Variants in BCL9L observed in about 807,000 individuals in gnomAD.
BCL9L encodes B-cell CLL/lymphoma 9-like protein.
Under a neutral mutation model 99.4 loss-of-function variants are expected in BCL9L, and 19 were observed. The observed-to-expected ratio is 0.19, with a 90% CI of 0.13 to 0.28. The LOEUF (loss-of-function observed/expected upper bound fraction) is 0.28, where lower values mean the gene tolerates loss of function less well. BCL9L is among the 10% of genes least tolerant of loss of function. BCL9L has a pLI of 1.00. For missense variants in BCL9L, 2,023 were observed against 2,101.6 expected (o/e 0.96, Z 0.73); for synonymous variants, 900 against 854.8 (o/e 1.05, Z -0.92).
rs1374186702 is a variant in BCL9L at position 118,908,284 on chromosome 11, T to A, written c.398A>T (p.Asp133Val). 6.4e-7 allele frequency: 1 copy of A among 1,553,456 alleles called. No homozygotes were observed. The highest frequency in any genetic ancestry group is 8.7e-7 in the Non-Finnish European group (1 of 1,148,500). ...AAATGGGGTACCTTTGGCCTCTGAA[T>A]CCAGGGATGGGGTCCCAGCCTCTCG... ...EQREAGTPSL[D>V]SEAKEVAPRS... is the part of the protein sequence containing the mutation. The change falls in exon 4 of 10, where the codon GAT (aspartate) becomes GTT (valine). Residue 133 changes from aspartate to valine, a missense_variant. Transcript: ENST00000683865.
At position 118,897,679 on chromosome 11, in the gene BCL9L, T is replaced by C. The variant is rs1351443055; in HGVS notation, c.*736A>G. ...AGACACTGCAAACAGTGGGTGGCCA[T>C]GTAGGGCTGCATGTCCCTGGGTCCA... On this transcript the variant is annotated 3_prime_UTR_variant, in exon 10 of 10. Coordinates refer to ENST00000683865, the MANE Select transcript of BCL9L (RefSeq NM_001378213.1). 1.4e-5 allele frequency: 6 copies of C among 420,040 alleles called. No homozygotes were observed. The highest frequency in any genetic ancestry group is 1.2e-4 in the Admixed American group (4 of 34,412). The allele number at this position is 420,040 out of a possible 1,614,324, so 26.0% of individuals were successfully genotyped here. A position where few individuals can be genotyped will look rare whatever the true frequency, so the allele number is the denominator to read the frequency against.
chr11:118,912,599 C>A (rs1207899973), intron 2 of BCL9L, among the ~76,000 whole-genome samples: 1 of 152,132 alleles, frequency 6.6e-6, no homozygotes, highest in Non-Finnish European at 1.5e-5. Context: ...ATGCCCAGAG[C>A]CTCCAGGTAT....
At chr11:118,912,378 G>A (rs1191169879) in intron 2 of BCL9L, among the ~76,000 whole-genome samples, 1 of 151,902 alleles carries the variant, frequency 6.6e-6, no homozygotes, top group Non-Finnish European at 1.5e-5. Flanking sequence ...CTCACAAACA[G>A]GGAGCAGGTG....
chr11:118,923,228 T>G (rs1293417023), intron 1 of BCL9L, among the ~76,000 whole-genome samples: 1 of 152,140 alleles, frequency 6.6e-6, no homozygotes, highest in East Asian at 1.9e-4. Flanking sequence ...AGCTCCCCTT[T>G]GCTCGGCATC....
At chr11:118,915,755 C>G (rs1940945619) in intron 2 of BCL9L, among the ~76,000 whole-genome samples, 1 of 152,222 alleles carries the variant, frequency 6.6e-6, no homozygotes, top group African/African-American at 2.4e-5. Context: ...TGGGAGAAAG[C>G]TTAAGCCTAC....
At position 118,900,690 on chromosome 11, in the gene BCL9L, G is replaced by A. The variant is rs1228065816; in HGVS notation, c.3053C>T (p.Pro1018Leu). The A allele has an allele frequency of 6.8e-6, 11 of 1,613,858 alleles. No individual in the cohort carries two copies. The highest frequency in any genetic ancestry group is 1.3e-5 in the African/African-American group (1 of 75,042). The change falls in exon 8 of 10, where the codon CCG becomes CTG. Residue 1018 changes from proline (P) to leucine (L), a missense_variant. By Grantham distance (98) the Pro-to-Leu change is moderately conservative. Transcript: ENST00000683865. The surrounding 1 kb of genome is among the most constrained non-coding windows in gnomAD (Gnocchi z 5.3). ...VASPKTAMPS[P>L]GVSQNKQPPL... is the part of the protein sequence containing the mutation. ...CGGCTGCTTGTTCTGGGAGACCCCC[G>A]GGCTGGGCATGGCCGTCTTAGGTGA...
At chr11:118,913,781 G>C (rs1347932842) in intron 2 of BCL9L, among the ~76,000 whole-genome samples, 1 of 152,078 alleles carries the variant, frequency 6.6e-6, no homozygotes, top group Admixed American at 6.5e-5. Context: ...CAAGGGAGGA[G>C]CAAGAAGCTC....
At chr11:118,923,083 G>A (rs1476236361) in intron 1 of BCL9L, among the ~76,000 whole-genome samples, 1 of 151,968 alleles carries the variant, frequency 6.6e-6, no homozygotes, top group African/African-American at 2.4e-5. Context: ...CCCTGGAGGA[G>A]GGCTGCAGAG....
chr11:118,900,970 C>T lies in BCL9L; in HGVS notation c.2773G>A (p.Gly925Ser), dbSNP rs757871183. The change falls in exon 8 of 10, where the codon GGC becomes AGC. Residue 925 changes from glycine to serine, a missense_variant. Physicochemically the swap from Gly to Ser is moderately conservative, Grantham distance 56. Coordinates refer to ENST00000683865, the MANE Select transcript of BCL9L (RefSeq NM_001378213.1). This position sits in a 1 kb window ranked among gnomAD's most constrained non-coding sequence, Gnocchi z 5.3. ...TTCAAGTGCCCCATGCCCGGTGAGCCCATCTGATTAATACTGATGGTGAGG... is the reference window on the plus strand; with the variant it reads ...TTCAAGTGCCCCATGCCCGGTGAGCTCATCTGATTAATACTGATGGTGAGG... ...SDLTISINQM[G>S]SPGMGHLKSP... 6.4e-7 allele frequency: 1 copy of T among 1,551,052 alleles called. No individual in the cohort carries two copies.
rs139444043 is a variant in BCL9L, at chr11:118,902,234, C to G, written c.1509G>C (p.Met503Ile). 4.8e-5 allele frequency: 77 copies of G among 1,611,728 alleles called. No homozygotes were observed. Among genetic ancestry groups the G allele is most frequent in the Non-Finnish European group, 5.8e-5 (68 of 1,178,484 alleles). The change falls in exon 8 of 10, where the codon ATG becomes ATC. Residue 503 changes from methionine (M) to isoleucine (I), a missense_variant. Physicochemically the swap from Met to Ile is conservative, Grantham distance 10. Around this residue, in one of 3 missense-constraint regions of BCL9L, gnomAD observed 1,116 missense variants for 1,194.6 expected, o/e 0.93. Transcript: ENST00000683865. The surrounding 1 kb of genome is among the most constrained non-coding windows in gnomAD (Gnocchi z 7.8). ...PGGDMGQQMN[M>I]MIQRLGQDSL... ...TGTCCTGGCCCAGCCTCTGTATCAT[C>G]ATGTTCATCTGCTGCCCCATGTCCC... is the stretch of plus-strand genomic sequence containing the variant.
rs914852429 is a variant in BCL9L, at chr11:118,922,165, G to A, written c.-131+3073C>T. Among the ~76,000 whole-genome samples, 2 of 152,070 alleles carry A rather than the reference G, an allele frequency of 1.3e-5. No homozygotes were observed. Among genetic ancestry groups the A allele is most frequent in the Non-Finnish European group, 2.9e-5 (2 of 67,976 alleles). On this transcript the variant is annotated intron_variant, in intron 1 of 9. Coordinates refer to ENST00000683865, the MANE Select transcript of BCL9L (RefSeq NM_001378213.1). This position sits in a 1 kb window ranked among gnomAD's most constrained non-coding sequence, Gnocchi z 6.2. ...AGTTCTCCCAGGAGGGGAGGGAGGG[G>A]AGGTCAGGCCAGGCTGGGGGTGGGG...
chr11:118,898,428 T>C lies in BCL9L; in HGVS notation c.4487A>G (p.Asn1496Ser). Residue 1496 changes from asparagine (N) to serine (S), a missense_variant, in exon 10 of 10, where the codon AAC becomes AGC. Around this residue, in one of 3 missense-constraint regions of BCL9L, gnomAD observed 902 missense variants for 888.2 expected, o/e 1.02. Coordinates refer to ENST00000683865, the MANE Select transcript of BCL9L (RefSeq NM_001378213.1). The part of the protein sequence containing the change: ...GYLPAPGGMA[N>S]LPF Reference sequence around the variant, plus strand: ...TGGCAGCGACTTCTAGAAGGGCAGGTTGGCCATGCCGCCTGGTGCCGGGAG... The same window carrying C: ...TGGCAGCGACTTCTAGAAGGGCAGGCTGGCCATGCCGCCTGGTGCCGGGAG... 1 of 1,603,956 alleles carries C rather than the reference T, an allele frequency of 6.2e-7. No individual in the cohort carries two copies. The highest frequency in any genetic ancestry group is 8.5e-7 in the Non-Finnish European group (1 of 1,173,174).
At chr11:118,917,910 G>T (rs946448402) in intron 2 of BCL9L, among the ~76,000 whole-genome samples, 2 of 152,056 alleles carry the variant, frequency 1.3e-5, no homozygotes, top group African/African-American at 4.8e-5. Flanking sequence ...GAGGCCCCAG[G>T]TGGGGGTCAA....
At position 118,901,719 on chromosome 11, in the gene BCL9L, C is replaced by G; in HGVS notation, c.2024G>C (p.Arg675Pro). 6.2e-7 allele frequency: 1 copy of G among 1,613,556 alleles called. No homozygotes were observed. The highest frequency in any genetic ancestry group is 8.5e-7 in the Non-Finnish European group (1 of 1,179,868). Residue 675 changes from arginine (R) to proline (P), a missense_variant, in exon 8 of 10, where the codon CGT becomes CCT. Arg to Pro is a moderately radical substitution (Grantham distance 103, BLOSUM62 -2). Transcript: ENST00000683865. This position sits in a 1 kb window ranked among gnomAD's most constrained non-coding sequence, Gnocchi z 6.6. ...EAERFMTPRVREELLRHQLLE... is the reference protein window; with the variant it reads ...EAERFMTPRVPEELLRHQLLE... Reference sequence around the variant, plus strand: ...CAGCTGGTGCCGCAGCAGCTCCTCACGGACCCGGGGAGTCATGAATCGCTC... The same window carrying G: ...CAGCTGGTGCCGCAGCAGCTCCTCAGGGACCCGGGGAGTCATGAATCGCTC...
In BCL9L at chr11:118,903,285, T is replaced by TTCCGGGGACGCC; in HGVS notation, c.688_699dup (p.Gly230_Gly233dup). ...ACATATACGAACTGCGAGGGAGGCTTTCCGGGGACGCCCCCGCCCCCGCCC... is the reference window on the plus strand; with the variant it reads ...ACATATACGAACTGCGAGGGAGGCTTTCCGGGGACGCCTCCGGGGACGCCCCCGCCCCCGCCC... On this transcript the variant is annotated inframe_insertion, in exon 6 of 10. Coordinates refer to ENST00000683865, the MANE Select transcript of BCL9L (RefSeq NM_001378213.1). The surrounding 1 kb of genome is among the most constrained non-coding windows in gnomAD (Gnocchi z 5.6). 6.3e-7 allele frequency: 1 copy of TTCCGGGGACGCC among 1,581,764 alleles called. No individual in the cohort carries two copies.
rs1941254868 is a variant in BCL9L at position 118,925,526 on chromosome 11, G to A, written c.-419C>T. 6.6e-6 allele frequency: 1 copy of A among 152,080 alleles called. No homozygotes were observed. The highest frequency in any genetic ancestry group is 2.4e-5 in the African/African-American group (1 of 41,376). The allele number at this position is 152,080 out of a possible 1,614,324, so 9.4% of individuals were successfully genotyped here. A position where few individuals can be genotyped will look rare whatever the true frequency, so the allele number is the denominator to read the frequency against. ...GCACACCCGCCGGGGCCGGGGCGCG[G>A]GGCCGGGGTCTCGGCCCCGAACCTC... On this transcript the variant is annotated 5_prime_UTR_variant, in exon 1 of 10. Transcript: ENST00000683865. This position sits in a 1 kb window ranked among gnomAD's most constrained non-coding sequence, Gnocchi z 6.4.
chr11:118,906,934 C>A (rs368805721), intron 5 of BCL9L, among the ~76,000 whole-genome samples: 4 of 152,314 alleles, frequency 2.6e-5, no homozygotes, highest in African/African-American at 9.6e-5. Flanking sequence ...GGCTCTCCCC[C>A]ATCACTCATG....
chr11:118,900,345 A>G lies in BCL9L; in HGVS notation c.3125-147T>C. The G allele has an allele frequency of 8.7e-7, 1 of 1,152,660 alleles. No homozygotes were observed. 71.4% of individuals were successfully genotyped at this position (1,152,660 alleles called of 1,614,324 possible). ...ACCCACAGGCCCCCACTATCTCCAG[A>G]GCCCACCAGTCTTCAAGCAATTCCT... On this transcript the variant is annotated intron_variant, in intron 8 of 9. Transcript: ENST00000683865. The surrounding 1 kb of genome is among the most constrained non-coding windows in gnomAD (Gnocchi z 5.3).
chr11:118,907,484 G>A lies in BCL9L; in HGVS notation c.531C>T (p.His177=). 1 of 1,614,186 alleles carries A rather than the reference G, an allele frequency of 6.2e-7. No homozygotes were observed. Among genetic ancestry groups the A allele is most frequent in the Non-Finnish European group, 8.5e-7 (1 of 1,180,026 alleles). The change falls in exon 5 of 10, where the codon CAC becomes CAT. Residue 177 remains histidine (H), a splice_region_variant and synonymous_variant. Coordinates refer to ENST00000683865, the MANE Select transcript of BCL9L (RefSeq NM_001378213.1). ...ACCCTGGCATCGACAGGCACTCACT[G>A]TGGGTGGCCCCAATGGGCTTGTCGT... The part of the protein sequence containing the change: ...EEDDKPIGAT[H]NCNVADPAMA...
Sources: gnomAD v4.1 joint callset for allele counts (sites outside exome capture counted in the v4.1 genomes callset) on GRCh38, gnomAD v4.1.1 for gene constraint, gnomAD v4.1.1 regional missense constraint, Gnocchi (gnomAD v3.1) non-coding constraint, MANE v1.5 for transcripts, NCBI Gene and HGNC (gene_info 2026-07-23, HGNC 2026-07-21) for gene names.